Variants in CHRNA5 observed in about 807,000 individuals in gnomAD.
The protein encoded by CHRNA5 is neuronal acetylcholine receptor subunit alpha-5.
In CHRNA5, 28 loss-of-function variants were observed where a neutral mutation model predicts 41.2. That is an observed-to-expected ratio of 0.68 (90% CI 0.50 to 0.93). The LOEUF (loss-of-function observed/expected upper bound fraction) is 0.93, where lower values mean the gene tolerates loss of function less well. CHRNA5 is among the 40% of genes least tolerant of loss of function. The probability of loss-of-function intolerance (pLI) is 0.00; values close to 1 mark genes in which losing one functional copy is unlikely to be tolerated. For synonymous variants in CHRNA5, 188 were observed against 205.8 expected, an observed-to-expected ratio of 0.91 and a Z score of 0.74; for missense variants, 481 against 581.9, an observed-to-expected ratio of 0.83 and a Z score of 1.78.
At chr15:78,566,218 T>C (rs913187530) in intron 1 of CHRNA5, among the ~76,000 whole-genome samples, 17 of 152,116 alleles carry the variant, frequency 1.1e-4, no homozygotes, top group African/African-American at 4.1e-4. Context: ...ATTCTAGGGG[T>C]TGGGACTTAT....
At position 78,588,298 on chromosome 15, in the gene CHRNA5, T is replaced by C; in HGVS notation, c.304-16T>C. ...TTAGTTTTATTGAAATTGAGGCAGATTTCTTTGTTTTAAAGGAATGGATAG... is the reference window on the plus strand; with the variant it reads ...TTAGTTTTATTGAAATTGAGGCAGACTTCTTTGTTTTAAAGGAATGGATAG... On this transcript the variant is annotated splice_polypyrimidine_tract_variant and intron_variant, in intron 3 of 5. Transcript: ENST00000299565. This position sits in a 1 kb window ranked among gnomAD's most constrained non-coding sequence, Gnocchi z 4.1. 1 of 1,350,032 alleles carries C rather than the reference T, an allele frequency of 7.4e-7. No homozygotes were observed. Among genetic ancestry groups the C allele is most frequent in the Non-Finnish European group, 1.0e-6 (1 of 971,400 alleles). The allele number at this position is 1,350,032 out of a possible 1,614,324, so 83.6% of individuals were successfully genotyped here. A position where few individuals can be genotyped will look rare whatever the true frequency, so the allele number is the denominator to read the frequency against.
Position 78,570,057 on chromosome 15 carries a change from G to A in CHRNA5, c.106+4232G>A, listed in dbSNP as rs530992336. Among the ~76,000 whole-genome samples the A allele has an allele frequency of 1.0e-4, 15 of 149,000 alleles. No homozygotes were observed. The South Asian group carries it at 3.2e-3, about 32-fold the overall frequency. ...CTGGTCTTGAAAACTCCTGACCTCA[G>A]GTGATCCGCCTGCCTCGGCCTCCCA... On this transcript the variant is annotated intron_variant, in intron 1 of 5. Transcript: ENST00000299565.
intron 1 of CHRNA5, among the ~76,000 whole-genome samples, chr15:78,576,848 A>G (rs1295144218): frequency 6.6e-6 from 1 of 152,054 alleles, no homozygotes; most frequent in African/African-American, 2.4e-5. Context: ...GCCTATATGT[A>G]GTGCTATAGA....
chr15:78,586,680 G>A lies in CHRNA5; in HGVS notation c.294G>A (p.Trp98Ter), dbSNP rs555893661. 1.2e-6 allele frequency: 2 copies of A among 1,603,754 alleles called. No individual in the cohort carries two copies. Among genetic ancestry groups the A allele is most frequent in the East Asian group, 4.5e-5 (2 of 44,696 alleles). The change falls in exon 3 of 6, where the codon TGG (tryptophan) becomes TGA (stop). Residue 98 changes from tryptophan to a stop codon, truncating the protein, a stop_gained. Coordinates refer to ENST00000299565, the Ensembl canonical transcript of CHRNA5. LOFTEE classifies it high-confidence loss of function. ...ATCAGTTAATGACAACAAACGTCTGGTTGAAACAGGTATGTGTGTAAAATT... is the reference window on the plus strand; with the variant it reads ...ATCAGTTAATGACAACAAACGTCTGATTGAAACAGGTATGTGTGTAAAATT...
intron 1 of CHRNA5, among the ~76,000 whole-genome samples, chr15:78,569,457 G>A (rs1272762356): frequency 2.7e-4 from 38 of 142,488 alleles, no homozygotes; most frequent in African/African-American, 9.0e-4. Flanking sequence ...TTTTTGAGAC[G>A]GAGTCTTGCA....
rs375021466 is a variant in CHRNA5 at position 78,574,972 on chromosome 15, T to TAA, written c.107-5824_107-5823dup. On this transcript the variant is annotated intron_variant, in intron 1 of 5. Transcript: ENST00000299565. ...TGGGCGACCAAGTGAGACCCTGTCT[T>TAA]AAAAAAAAAAAAAAAAGGAAAGGAA... is the stretch of plus-strand genomic sequence containing the variant. Among the ~76,000 whole-genome samples, 123 of 135,260 alleles carry TAA rather than the reference T, an allele frequency of 9.1e-4. 1 individual carries two copies. The highest frequency in any genetic ancestry group is 3.8e-3 in the Middle Eastern group (1 of 262). The allele number at this position is 135,260 out of a possible 152,430, so 88.7% of individuals were successfully genotyped here. A position where few individuals can be genotyped will look rare whatever the true frequency, so the allele number is the denominator to read the frequency against.
Position 78,588,738 on chromosome 15 carries a change from T to C in CHRNA5, c.413+315T>C, listed in dbSNP as rs934436694. Reference sequence around the variant, plus strand: ...ACTTCTAGATTTTTTTGTATGTTTTTTACGTCGTTGAGGTCATATTTTATG... The same window carrying C: ...ACTTCTAGATTTTTTTGTATGTTTTCTACGTCGTTGAGGTCATATTTTATG... On this transcript the variant is annotated intron_variant, in intron 4 of 5. Coordinates refer to ENST00000299565, the Ensembl canonical transcript of CHRNA5. The surrounding 1 kb of genome is among the most constrained non-coding windows in gnomAD (Gnocchi z 4.1). 1.3e-5 allele frequency among the ~76,000 whole-genome samples: 2 copies of C among 152,230 alleles called. No homozygotes were observed. The highest frequency in any genetic ancestry group is 4.8e-5 in the African/African-American group (2 of 41,470).
At chr15:78,583,286 G>T (rs2052929650) in intron 2 of CHRNA5, among the ~76,000 whole-genome samples, 1 of 152,190 alleles carries the variant, frequency 6.6e-6, no homozygotes, top group African/African-American at 2.4e-5. Flanking sequence ...ACTAGAAAAT[G>T]AAAGGCAAGT....
chr15:78,572,855 A>G (rs17486195), intron 1 of CHRNA5, among the ~76,000 whole-genome samples: 39,435 of 152,076 alleles, frequency 0.26, 6,065 homozygotes, highest in Middle Eastern at 0.41. Flanking sequence ...GTGAACATGC[A>G]TGTAATTTAA....
intron 5 of CHRNA5, among the ~76,000 whole-genome samples, chr15:78,591,590 G>A (rs1054039285): frequency 1.3e-5 from 2 of 152,148 alleles, no homozygotes; most frequent in African/African-American, 2.4e-5. Flanking sequence ...TGAGGAGACA[G>A]AATAAATCTG....
chr15:78,590,370 T>C, exon 5 of CHRNA5: 1 of 1,614,188 alleles, frequency 6.2e-7, no homozygotes, highest in Non-Finnish European at 8.5e-7. Flanking sequence ...TGTGACACTG[T>C]CAATTATGGT....
At chr15:78,565,705 C>G (rs2052739993) in exon 1 of CHRNA5, 10 of 1,115,242 alleles carry the variant, frequency 9.0e-6, no homozygotes, top group Non-Finnish European at 1.1e-5. Context: ...CGCGGTCCCG[C>G]GCGGGCGCGG....
intron 1 of CHRNA5, among the ~76,000 whole-genome samples, chr15:78,575,814 A>C (rs189008630): frequency 6.6e-6 from 1 of 152,144 alleles, no homozygotes; most frequent in Non-Finnish European, 1.5e-5. Flanking sequence ...TAACTTATCT[A>C]TCTTTTTGGT....
At chr15:78,585,804 A>G (rs1314646662) in intron 2 of CHRNA5, among the ~76,000 whole-genome samples, 1 of 26,016 alleles carries the variant, frequency 3.8e-5, no homozygotes, top group East Asian at 9.5e-4. Context: ...TTTTTTTTTG[A>G]GATGGAGTCT....
intron 2 of CHRNA5, among the ~76,000 whole-genome samples, chr15:78,584,207 C>T (rs539081764): frequency 1.2e-4 from 19 of 152,300 alleles, no homozygotes; most frequent in Admixed American, 1.0e-3. Flanking sequence ...TTCCTTTTAT[C>T]GCTAAGCTCC....
chr15:78,577,288 C>A (rs970589080), intron 1 of CHRNA5, among the ~76,000 whole-genome samples: 9 of 152,132 alleles, frequency 5.9e-5, no homozygotes, highest in African/African-American at 2.2e-4. Context: ...TGGATTGTCT[C>A]CTTTTTAACA....
Position 78,580,322 on chromosome 15 carries a change from AT to A in CHRNA5, c.107-485del, listed in dbSNP as rs573569601. ...AAAAAAGATTATGCAAATTAAAGCA[AT>A]TTTAACATTTATAATTGATAAATGA... is the stretch of plus-strand genomic sequence containing the variant. On this transcript the variant is annotated intron_variant, in intron 1 of 5. Coordinates refer to ENST00000299565, the Ensembl canonical transcript of CHRNA5. Among the ~76,000 whole-genome samples the A allele has an allele frequency of 2.6e-3, 402 of 151,736 alleles. 3 individuals carry two copies. The highest frequency in any genetic ancestry group is 8.7e-3 in the African/African-American group (358 of 41,384).
intron 1 of CHRNA5, among the ~76,000 whole-genome samples, chr15:78,579,552 AT>A (rs1340747609): frequency 6.6e-6 from 1 of 151,698 alleles, no homozygotes; most frequent in East Asian, 1.9e-4. Flanking sequence ...CCGCCTATTT[AT>A]TTTTTTTACT....
chr15:78,586,780 A>C, intron 3 of CHRNA5, 91 bp downstream of exon 3: 1 of 918,586 alleles, frequency 1.1e-6, no homozygotes, highest in South Asian at 1.5e-5. Flanking sequence ...AAGAGTATGT[A>C]TATTTGTGAA....
Sources: allele counts gnomAD v4.1 joint callset (sites outside exome capture counted in the v4.1 genomes callset), GRCh38; gene constraint gnomAD v4.1.1; non-coding constraint Gnocchi (gnomAD v3.1); transcripts MANE v1.5; gene names NCBI Gene and HGNC (gene_info 2026-07-23, HGNC 2026-07-21).